Variants in NSD1 observed in about 807,000 individuals in gnomAD.
NSD1 encodes the protein nuclear receptor binding SET domain protein 1.
NSD1 carries 26 observed loss-of-function variants against 242.7 expected under a neutral mutation model. That is an observed-to-expected ratio of 0.11 (90% CI 0.08 to 0.15). The LOEUF (loss-of-function observed/expected upper bound fraction) is 0.15. Ranked by LOEUF, NSD1 falls within the 10% of genes least tolerant of loss-of-function variation. The pLI, the probability that NSD1 is intolerant of heterozygous loss-of-function variation, is 1.00. For missense variants in NSD1, 2,495 were observed against 3,272.8 expected, an observed-to-expected ratio of 0.76 and a Z score of 5.80; for synonymous variants, 1,106 against 1,178.1, an observed-to-expected ratio of 0.94 and a Z score of 1.25.
intron 4 of NSD1, among the ~76,000 whole-genome samples, chr5:177,206,915 G>A (rs988757295): frequency 1.3e-5 from 2 of 150,920 alleles, no homozygotes; most frequent in Non-Finnish European, 1.5e-5. Flanking sequence ...TTAAGAGGAG[G>A]CTACTCCTCT....
At chr5:177,256,010 A>G (rs1389423282) in intron 12 of NSD1, among the ~76,000 whole-genome samples, 1 of 152,232 alleles carries the variant, frequency 6.6e-6, no homozygotes, top group Non-Finnish European at 1.5e-5. Flanking sequence ...GGTTTCTAAC[A>G]CAACATCTAA....
rs61730553 is a variant in NSD1 at position 177,295,301 on chromosome 5, C to T, written c.7933C>T (p.Leu2645=). ...CTGGCCCATAGTGGCTGGACAGACA[C>T]TGGCACAGTCTTGCTGGTCTGCTGG... The part of the protein sequence containing the change: ...GLWPIVAGQT[L]AQSCWSAGST... The change falls in exon 23 of 23, where the codon CTG becomes TTG. Residue 2645 remains leucine, a synonymous_variant. Coordinates refer to ENST00000439151, the MANE Select transcript of NSD1 (RefSeq NM_022455.5). The surrounding 1 kb of genome is among the most constrained non-coding windows in gnomAD (Gnocchi z 4.3). 28 of 1,614,242 alleles carry T rather than the reference C, an allele frequency of 1.7e-5. No individual in the cohort carries two copies. In the African/African-American group the frequency reaches 3.5e-4, roughly 20 times the overall value.
chr5:177,252,212 T>C (rs1756028155), intron 12 of NSD1, among the ~76,000 whole-genome samples: 1 of 152,166 alleles, frequency 6.6e-6, no homozygotes, highest in East Asian at 1.9e-4. Flanking sequence ...ATTTGGGGAA[T>C]ATGGAATACA....
At chr5:177,290,131 ATAT>A (rs919807587) in intron 21 of NSD1, among the ~76,000 whole-genome samples, 4 of 149,628 alleles carry the variant, frequency 2.7e-5, no homozygotes, top group African/African-American at 9.9e-5. Context: ...CCCGGCCCTT[ATAT>A]TATTATTTTT....
intron 5 of NSD1, among the ~76,000 whole-genome samples, chr5:177,218,883 T>C (rs988728669): frequency 1.3e-5 from 2 of 151,946 alleles, no homozygotes; most frequent in Non-Finnish European, 2.9e-5. Flanking sequence ...CTTTTTTTTT[T>C]CTCCAGCTGG....
At chr5:177,279,451 TC>T (rs1376123274) in intron 17 of NSD1, among the ~76,000 whole-genome samples, 1 of 151,264 alleles carries the variant, frequency 6.6e-6, no homozygotes, top group African/African-American at 2.4e-5. Context: ...TCAGCCAAGA[TC>T]CCGCCACTGC....
At chr5:177,159,579 T>C (rs1039992503) in intron 2 of NSD1, among the ~76,000 whole-genome samples, 1 of 149,636 alleles carries the variant, frequency 6.7e-6, no homozygotes, top group African/African-American at 2.5e-5. Context: ...CCACCAAGTC[T>C]GGCCTAAGTC....
chr5:177,136,890 T>A (rs576859952), intron 2 of NSD1: 1 of 700,378 alleles, frequency 1.4e-6, no homozygotes, highest in East Asian at 2.7e-5. Flanking sequence ...CCTTGTCATG[T>A]TGCCCAGGCT....
Position 177,266,352 on chromosome 5 carries a change from C to A in NSD1, c.5147-1210C>A, listed in dbSNP as rs370063228. On this transcript the variant is annotated intron_variant, in intron 14 of 22. Coordinates refer to ENST00000439151, the MANE Select transcript of NSD1 (RefSeq NM_022455.5). ...CTACTGGAACACTCGATGCCGATGA[C>A]CTTGCGGGCCCGGCCTTGGCGGCGA... 64 of 700,770 alleles carry A rather than the reference C, an allele frequency of 9.1e-5. 1 individual carries two copies. The East Asian group carries it at 1.6e-3, about 17-fold the overall frequency. 43.4% of individuals were successfully genotyped at this position (700,770 alleles called of 1,614,324 possible). A position where few individuals can be genotyped will look rare whatever the true frequency, so the allele number is the denominator to read the frequency against.
rs1760118904 is a variant in NSD1, at chr5:177,294,592, C to T, written c.7224C>T (p.Asp2408=). 6.2e-7 allele frequency: 1 copy of T among 1,614,136 alleles called. No individual in the cohort carries two copies. Among genetic ancestry groups the T allele is most frequent in the African/African-American group, 1.3e-5 (1 of 74,950 alleles). ...CCCAGACTTCAGACAGGCCTACTGA[C>T]AAACCCCATGCCTCTTTGTCCCAGA... ...PKPQTSDRPT[D]KPHASLSQRL... is the part of the protein sequence containing the mutation. The change falls in exon 23 of 23, where the codon GAC becomes GAT. Residue 2408 remains aspartate (D), a synonymous_variant. Coordinates refer to ENST00000439151, the MANE Select transcript of NSD1 (RefSeq NM_022455.5).
rs183065963 is a variant in NSD1, at chr5:177,174,142, G to A, written c.928-17742G>A. ...AGCACTTTGGGAGTCCGAGGCGGGT[G>A]GATCACGAGGTCAAGAGATCGAGAC... On this transcript the variant is annotated intron_variant, in intron 2 of 22. Coordinates refer to ENST00000439151, the MANE Select transcript of NSD1 (RefSeq NM_022455.5). Among the ~76,000 whole-genome samples, 643 of 152,110 alleles carry A rather than the reference G, an allele frequency of 4.2e-3. 3 individuals are homozygous for A. Among genetic ancestry groups the A allele is most frequent in the African/African-American group, 0.014 (587 of 41,544 alleles).
chr5:177,256,449 A>G (rs1190051144), intron 12 of NSD1, among the ~76,000 whole-genome samples: 1 of 151,886 alleles, frequency 6.6e-6, no homozygotes, highest in Non-Finnish European at 1.5e-5. Context: ...CGCCCAGCTA[A>G]TTTTTGTATG....
Position 177,297,573 on chromosome 5 carries a change from T to C in NSD1, c.*2114T>C, listed in dbSNP as rs943520164. On this transcript the variant is annotated 3_prime_UTR_variant, in exon 23 of 23. Transcript: ENST00000439151. Reference sequence around the variant, plus strand: ...CTGTAGTTGTGATCAGAAAAAGGTATCTGCACTGCACTGTCAGAGTCTCCT... The same window carrying C: ...CTGTAGTTGTGATCAGAAAAAGGTACCTGCACTGCACTGTCAGAGTCTCCT... The C allele has an allele frequency of 8.8e-6, 2 of 228,032 alleles. No homozygotes were observed. Among genetic ancestry groups the C allele is most frequent in the Non-Finnish European group, 1.7e-5 (2 of 115,610 alleles). The allele number at this position is 228,032 out of a possible 1,614,324, so 14.1% of individuals were successfully genotyped here.
intron 2 of NSD1, among the ~76,000 whole-genome samples, chr5:177,158,250 TTTCTTTCTTTCTTTC>T (rs1439199007): frequency 2.2e-4 from 19 of 86,726 alleles, no homozygotes; most frequent in Middle Eastern, 5.0e-3. Context: ...TCTTTCTTTC[TTTCTTTCTTTCTTTC>T]TTTCTTTCTT....
At position 177,294,652 on chromosome 5, in the gene NSD1, G is replaced by T. The variant is rs766712357; in HGVS notation, c.7284G>T (p.Val2428=). ...CTCCTGAGAAAGTACTATCAGCTGTGGTCCAGACCCTTGTAGCTAAAGAAA... is the reference window on the plus strand; with the variant it reads ...CTCCTGAGAAAGTACTATCAGCTGTTGTCCAGACCCTTGTAGCTAAAGAAA... ...LPPPEKVLSA[V]VQTLVAKEKA... Residue 2428 remains valine, a synonymous_variant, in exon 23 of 23, where the codon GTG becomes GTT. Transcript: ENST00000439151. 1 of 1,614,194 alleles carries T rather than the reference G, an allele frequency of 6.2e-7. No homozygotes were observed. Among genetic ancestry groups the T allele is most frequent in the Non-Finnish European group, 8.5e-7 (1 of 1,180,038 alleles).
chr5:177,159,593 A>AT (rs61064789), intron 2 of NSD1, among the ~76,000 whole-genome samples: 3,841 of 118,580 alleles, frequency 0.032, 93 homozygotes, highest in South Asian at 0.09. Context: ...CTAAGTCTGA[A>AT]TTTTTTTTTT....
chr5:177,250,455 G>A (rs1755844881), intron 11 of NSD1, among the ~76,000 whole-genome samples: 1 of 152,070 alleles, frequency 6.6e-6, no homozygotes, highest in South Asian at 2.1e-4. Context: ...GATAAATTAC[G>A]TGGTTATCCC....
At chr5:177,166,188 C>G (rs1759180350) in intron 2 of NSD1, among the ~76,000 whole-genome samples, 1 of 150,826 alleles carries the variant, frequency 6.6e-6, no homozygotes. Flanking sequence ...GCCGGGATTA[C>G]AGGCATGAGC....
At chr5:177,208,932 G>A (rs1763113292) in intron 4 of NSD1, among the ~76,000 whole-genome samples, 1 of 151,974 alleles carries the variant, frequency 6.6e-6, no homozygotes, top group Non-Finnish European at 1.5e-5. Context: ...CTGACCTGAG[G>A]TGATTCGTCC....
Sources: allele counts gnomAD v4.1 joint callset (sites outside exome capture counted in the v4.1 genomes callset), GRCh38; gene constraint gnomAD v4.1.1; non-coding constraint Gnocchi (gnomAD v3.1); transcripts MANE v1.5; gene names NCBI Gene and HGNC (gene_info 2026-07-23, HGNC 2026-07-21).